MAP1LC3B: variants seen among roughly 807,000 people sequenced by gnomAD.
The protein encoded by MAP1LC3B is microtubule associated protein 1 light chain 3 beta, also known as microtubule-associated protein 1 light chain 3 beta.
In MAP1LC3B, 12 loss-of-function variants were observed where a neutral mutation model predicts 16.7. The ratio of observed to expected loss-of-function variants is 0.72; its 90% CI spans 0.46 to 1.16. The LOEUF (loss-of-function observed/expected upper bound fraction) is 1.16, where lower values mean the gene tolerates loss of function less well. Ranked by LOEUF, MAP1LC3B falls within the 50% of genes most tolerant of loss-of-function variation. The probability of loss-of-function intolerance (pLI) is 0.00; values close to 1 mark genes in which losing one functional copy is unlikely to be tolerated. For synonymous variants in MAP1LC3B, 63 were observed against 56.5 expected (o/e 1.11, Z -0.51); for missense variants, 155 against 159.5 (o/e 0.97, Z 0.15).
chr16:87,398,025 A>AT (rs766029599), intron 1 of MAP1LC3B, among the ~76,000 whole-genome samples: 2,499 of 143,694 alleles, frequency 0.017, 59 homozygotes, highest in African/African-American at 0.055. Context: ...GGAGAAAAGA[A>AT]TTTTTTTTTT....
intron 2 of MAP1LC3B, among the ~76,000 whole-genome samples, chr16:87,401,609 T>G (rs1171222507): frequency 6.6e-6 from 1 of 152,214 alleles, no homozygotes; most frequent in East Asian, 1.9e-4. Flanking sequence ...CTCAGCTCAC[T>G]GCAACCTCCG....
chr16:87,396,035 A>G (rs1298958245), intron 1 of MAP1LC3B, among the ~76,000 whole-genome samples: 1 of 150,708 alleles, frequency 6.6e-6, no homozygotes, highest in Non-Finnish European at 1.5e-5. Context: ...TAATTTTTGT[A>G]TTTTTAGTAA....
intron 2 of MAP1LC3B, among the ~76,000 whole-genome samples, chr16:87,401,721 G>A (rs1341545023): frequency 6.6e-6 from 1 of 152,120 alleles, no homozygotes; most frequent in African/African-American, 2.4e-5. Flanking sequence ...GTAGAGTCGG[G>A]GTTTTGCCAT....
chr16:87,402,840 A>C, intron 3 of MAP1LC3B, 83 bp from the exon 4 acceptor site: 1 of 1,510,796 alleles, frequency 6.6e-7, no homozygotes, highest in East Asian at 2.3e-5. Flanking sequence ...TATTTTACCG[A>C]TCAGAGTGGG....
chr16:87,399,319 A>C (rs1287894908), intron 2 of MAP1LC3B: 1 of 256,196 alleles, frequency 3.9e-6, no homozygotes, highest in African/African-American at 2.3e-5. Context: ...CTCAGGTGCC[A>C]AGATTTCTGT....
intron 3 of MAP1LC3B, chr16:87,402,678 A>T: frequency 1.7e-6 from 1 of 579,552 alleles, no homozygotes; most frequent in South Asian, 2.1e-5. Context: ...TTCTTATATT[A>T]GACAGTTTAA....
chr16:87,399,086 G>C, intron 2 of MAP1LC3B: 1 of 542,220 alleles, frequency 1.8e-6, no homozygotes. Flanking sequence ...GCTCAGTGCA[G>C]TCTCAGCCAC....
chr16:87,403,076 C>T lies in MAP1LC3B; in HGVS notation c.357C>T (p.Phe119=), dbSNP rs758771913. 4.3e-6 allele frequency: 7 copies of T among 1,611,420 alleles called. No individual in the cohort carries two copies. The highest frequency in any genetic ancestry group is 4.0e-5 in the African/African-American group (3 of 74,812). Residue 119 remains phenylalanine (F), a synonymous_variant, in exon 4 of 4, where the codon TTC becomes TTT. Coordinates refer to ENST00000268607, the MANE Select transcript of MAP1LC3B (RefSeq NM_022818.5). ...TGGTCTATGCCTCCCAGGAGACGTT[C>T]GGGATGAAATTGTCAGTGTAAAACC... The part of the protein sequence containing the change: ...LYMVYASQET[F]GMKLSV
Position 87,392,423 on chromosome 16 carries a change from G to T in MAP1LC3B, c.-5G>T, listed in dbSNP as rs764844763. The T allele has an allele frequency of 2.1e-6, 3 of 1,421,386 alleles. No individual in the cohort carries two copies. Among genetic ancestry groups the T allele is most frequent in the African/African-American group, 1.5e-5 (1 of 66,292 alleles). The allele number at this position is 1,421,386 out of a possible 1,614,324, so 88.0% of individuals were successfully genotyped here. A position where few individuals can be genotyped will look rare whatever the true frequency, so the allele number is the denominator to read the frequency against. ...CGCCGCCGCCGCCGCCCAGATCCCT[G>T]CACCATGCCGTCGGAGAAGACCTTC... On this transcript the variant is annotated 5_prime_UTR_variant, in exon 1 of 4. Transcript: ENST00000268607.
intron 2 of MAP1LC3B, among the ~76,000 whole-genome samples, chr16:87,401,251 G>C (rs1306989781): frequency 6.6e-6 from 1 of 152,094 alleles, no homozygotes; most frequent in African/African-American, 2.4e-5. Context: ...CCTCGGTAAG[G>C]CTTGAGGTCT....
rs188971513 is a variant in MAP1LC3B, at chr16:87,396,416, A to G, written c.41-2399A>G. Reference sequence around the variant, plus strand: ...CATGAACCTGGGAGGCGTAGCTTGCAGTGAGCAGAGATCGCGCCACTGCAC... The same window carrying G: ...CATGAACCTGGGAGGCGTAGCTTGCGGTGAGCAGAGATCGCGCCACTGCAC... On this transcript the variant is annotated intron_variant, in intron 1 of 3. Coordinates refer to ENST00000268607, the MANE Select transcript of MAP1LC3B (RefSeq NM_022818.5). Among the ~76,000 whole-genome samples, 366 of 151,744 alleles carry G rather than the reference A, an allele frequency of 2.4e-3. 2 individuals carry two copies. Among genetic ancestry groups the G allele is most frequent in the African/African-American group, 8.5e-3 (352 of 41,384 alleles).
At chr16:87,392,564 C>A in intron 1 of MAP1LC3B, 97 bp downstream of exon 1, 2 of 1,128,486 alleles carry the variant, frequency 1.8e-6, no homozygotes, top group Middle Eastern at 3.5e-4. Flanking sequence ...CGGGGCCGAG[C>A]CGGGAGGCCG....
chr16:87,395,852 CTTTTTTTT>C (rs72388667), intron 1 of MAP1LC3B, among the ~76,000 whole-genome samples: 8 of 53,836 alleles, frequency 1.5e-4, no homozygotes, highest in Admixed American at 2.9e-4. Context: ...TCCTTCTTTC[CTTTTTTTT>C]TTTTTTTTTT....
At chr16:87,396,768 G>A (rs1907821994) in intron 1 of MAP1LC3B, 1 of 152,116 alleles carries the variant, frequency 6.6e-6, no homozygotes, top group African/African-American at 2.4e-5. Flanking sequence ...AGGAGTCAAA[G>A]GATAAGAGCC....
chr16:87,395,658 C>T (rs1387998418), intron 1 of MAP1LC3B, among the ~76,000 whole-genome samples: 3 of 152,140 alleles, frequency 2.0e-5, no homozygotes, highest in Non-Finnish European at 4.4e-5. Context: ...TGCTAAGATG[C>T]TCCTATGGGA....
chr16:87,403,607 G>C lies in MAP1LC3B; in HGVS notation c.*510G>C, dbSNP rs1203758934. The C allele has an allele frequency of 6.5e-6, 1 of 153,312 alleles. No homozygotes were observed. Among genetic ancestry groups the C allele is most frequent in the Non-Finnish European group, 1.5e-5 (1 of 68,732 alleles). The allele number at this position is 153,312 out of a possible 1,614,324, so 9.5% of individuals were successfully genotyped here. A position where few individuals can be genotyped will look rare whatever the true frequency, so the allele number is the denominator to read the frequency against. ...CCCGCAAAACGCATTTGCCATCACAGTTGGCACAAACGCAGGGTAAACGGG... is the reference window on the plus strand; with the variant it reads ...CCCGCAAAACGCATTTGCCATCACACTTGGCACAAACGCAGGGTAAACGGG... On this transcript the variant is annotated 3_prime_UTR_variant, in exon 4 of 4. Coordinates refer to ENST00000268607, the MANE Select transcript of MAP1LC3B (RefSeq NM_022818.5).
In MAP1LC3B at chr16:87,398,445, A is replaced by G. The variant is rs1379626311; in HGVS notation, c.41-370A>G. Among the ~76,000 whole-genome samples the G allele has an allele frequency of 2.0e-5, 3 of 152,254 alleles. No homozygotes were observed. In the East Asian group the frequency reaches 5.8e-4, roughly 29 times the overall value. ...CAACTTAAAGTGTGGAAAATTAACA[A>G]AAATTGAAGTTAATATTATAGGTGG... On this transcript the variant is annotated intron_variant, in intron 1 of 3. Transcript: ENST00000268607.
At chr16:87,397,351 G>T (rs1459937339) in intron 1 of MAP1LC3B, among the ~76,000 whole-genome samples, 1 of 151,788 alleles carries the variant, frequency 6.6e-6, no homozygotes, top group African/African-American at 2.4e-5. Context: ...GGGCTTGGTG[G>T]CTCACGCCTG....
intron 1 of MAP1LC3B, among the ~76,000 whole-genome samples, chr16:87,397,905 A>C (rs955889646): frequency 2.6e-5 from 4 of 151,068 alleles, no homozygotes; most frequent in Non-Finnish European, 4.4e-5. Flanking sequence ...ACTTCTCTCT[A>C]ACTGTATTTT....
Sources: allele counts gnomAD v4.1 joint callset (sites outside exome capture counted in the v4.1 genomes callset), GRCh38; gene constraint gnomAD v4.1.1; transcripts MANE v1.5; gene names NCBI Gene and HGNC (gene_info 2026-07-23, HGNC 2026-07-21).